The following HEPACAM variants were observed in gnomAD, a reference collection of about 807,000 sequenced individuals.
HEPACAM encodes the protein hepatocyte cell adhesion molecule.
In HEPACAM, 18 loss-of-function variants were observed where a neutral mutation model predicts 38.3. The observed-to-expected ratio is 0.47, with a 90% CI of 0.33 to 0.70. The LOEUF is 0.70. Ranked by LOEUF, HEPACAM falls within the 30% of genes least tolerant of loss-of-function variation. The probability of loss-of-function intolerance (pLI) is 0.03; values close to 1 mark genes in which losing one functional copy is unlikely to be tolerated. For missense variants in HEPACAM, 466 were observed against 563.0 expected (o/e 0.83, Z 1.74); for synonymous variants, 216 against 243.1 (o/e 0.89, Z 1.04).
chr11:124,924,651 T>C lies in HEPACAM; in HGVS notation c.427+77A>G. 1 of 1,368,196 alleles carries C rather than the reference T, an allele frequency of 7.3e-7. No individual in the cohort carries two copies. Among genetic ancestry groups the C allele is most frequent in the East Asian group, 2.3e-5 (1 of 43,722 alleles). The allele number at this position is 1,368,196 out of a possible 1,614,324, so 84.8% of individuals were successfully genotyped here. On this transcript the variant is annotated intron_variant, in intron 2 of 6. Coordinates refer to ENST00000298251, the MANE Select transcript of HEPACAM (RefSeq NM_152722.5). The surrounding 1 kb of genome is among the most constrained non-coding windows in gnomAD (Gnocchi z 4.4). ...GCCTTTTGGGTTGGTTTTCCCTCAG[T>C]CTAGCTGGTGCGCTGGGCAGACCTT...
At chr11:124,934,494 A>G (rs1565342844) in intron 1 of HEPACAM, among the ~76,000 whole-genome samples, 1 of 150,842 alleles carries the variant, frequency 6.6e-6, no homozygotes, top group Non-Finnish European at 1.5e-5. Flanking sequence ...CCTTATAAAA[A>G]GGGGAAATGT....
chr11:124,928,633 C>G (rs750919926), intron 1 of HEPACAM, among the ~76,000 whole-genome samples: 1 of 152,176 alleles, frequency 6.6e-6, no homozygotes, highest in Non-Finnish European at 1.5e-5. Flanking sequence ...AAAGTCACCC[C>G]TCTGCTCACT....
In HEPACAM at chr11:124,920,763, A is replaced by G; in HGVS notation, c.*375T>C. On this transcript the variant is annotated 3_prime_UTR_variant, in exon 7 of 7. Coordinates refer to ENST00000298251, the MANE Select transcript of HEPACAM (RefSeq NM_152722.5). The stretch of plus-strand genomic sequence containing the variant: ...AGGGAAGGGTGGTGGGTGGGAAACA[A>G]CACAGCTCCCTAGGAAGAGCACAGG... 7 of 1,078,264 alleles carry G rather than the reference A, an allele frequency of 6.5e-6. No homozygotes were observed. Among genetic ancestry groups the G allele is most frequent in the South Asian group, 3.7e-5 (1 of 26,670 alleles). 66.8% of individuals were successfully genotyped at this position (1,078,264 alleles called of 1,614,324 possible). A position where few individuals can be genotyped will look rare whatever the true frequency, so the allele number is the denominator to read the frequency against.
In HEPACAM at chr11:124,919,400, C is replaced by A; in HGVS notation, c.*1738G>T. 3.8e-6 allele frequency: 1 copy of A among 266,080 alleles called. No individual in the cohort carries two copies. The highest frequency in any genetic ancestry group is 7.1e-6 in the Non-Finnish European group (1 of 141,218). 16.5% of individuals were successfully genotyped at this position (266,080 alleles called of 1,614,324 possible). ...CAATTTAAGGCAGATTTGGCTTAAG[C>A]CTGGCAAGCTGGCCCCTCAGGGATT... On this transcript the variant is annotated 3_prime_UTR_variant, in exon 7 of 7. Coordinates refer to ENST00000298251, the MANE Select transcript of HEPACAM (RefSeq NM_152722.5).
chr11:124,929,246 T>C (rs977714252), intron 1 of HEPACAM, among the ~76,000 whole-genome samples: 30 of 152,338 alleles, frequency 2.0e-4, no homozygotes, highest in African/African-American at 5.8e-4. Flanking sequence ...AGTTATGGCC[T>C]ACAGATTGCC....
Position 124,920,901 on chromosome 11 carries a change from A to G in HEPACAM, c.*237T>C, listed in dbSNP as rs1947122651. The G allele has an allele frequency of 7.4e-7, 1 of 1,351,190 alleles. No homozygotes were observed. The highest frequency in any genetic ancestry group is 1.5e-5 in the African/African-American group (1 of 64,818). The allele number at this position is 1,351,190 out of a possible 1,614,324, so 83.7% of individuals were successfully genotyped here. A position where few individuals can be genotyped will look rare whatever the true frequency, so the allele number is the denominator to read the frequency against. On this transcript the variant is annotated 3_prime_UTR_variant, in exon 7 of 7. Coordinates refer to ENST00000298251, the MANE Select transcript of HEPACAM (RefSeq NM_152722.5). ...AAGAGGGCACAACCTATACCAAGTG[A>G]GGACACAGCCAGTAAACCGGAAGCA...
chr11:124,921,534 AC>A lies in HEPACAM; in HGVS notation c.949-95del, dbSNP rs1323058934. 1 of 826,446 alleles carries A rather than the reference AC, an allele frequency of 1.2e-6. No homozygotes were observed. The highest frequency in any genetic ancestry group is 1.6e-6 in the Non-Finnish European group (1 of 618,994). 51.2% of individuals were successfully genotyped at this position (826,446 alleles called of 1,614,324 possible). ...GCTTGCTGGAATTCCGAGGGGAGGG[AC>A]CTAGTTTCCCTCTGCACGCCCACCT... On this transcript the variant is annotated intron_variant, in intron 6 of 6. Coordinates refer to ENST00000298251, the MANE Select transcript of HEPACAM (RefSeq NM_152722.5). This position sits in a 1 kb window ranked among gnomAD's most constrained non-coding sequence, Gnocchi z 4.6.
chr11:124,921,007 C>T lies in HEPACAM; in HGVS notation c.*131G>A, dbSNP rs907895057. ...CTGCGCATGCTCATACACGTTCACA[C>T]CCGAGACACCAGCGCCCCCCCGGGA... is the stretch of plus-strand genomic sequence containing the variant. On this transcript the variant is annotated 3_prime_UTR_variant, in exon 7 of 7. Coordinates refer to ENST00000298251, the MANE Select transcript of HEPACAM (RefSeq NM_152722.5). The surrounding 1 kb of genome is among the most constrained non-coding windows in gnomAD (Gnocchi z 4.6). 6.4e-6 allele frequency: 9 copies of T among 1,403,426 alleles called. No homozygotes were observed. The African/African-American group carries it at 1.1e-4, about 17-fold the overall frequency. The allele number at this position is 1,403,426 out of a possible 1,614,324, so 86.9% of individuals were successfully genotyped here. A position where few individuals can be genotyped will look rare whatever the true frequency, so the allele number is the denominator to read the frequency against.
Position 124,919,684 on chromosome 11 carries a change from A to G in HEPACAM, c.*1454T>C. 1 of 1,564,798 alleles carries G rather than the reference A, an allele frequency of 6.4e-7. No homozygotes were observed. The highest frequency in any genetic ancestry group is 8.7e-7 in the Non-Finnish European group (1 of 1,150,726). ...ACAGGCATGCTGTGGGGTTCAGGGC[A>G]GAGGGGGCAAACTAGAAATGTCAGT... On this transcript the variant is annotated 3_prime_UTR_variant, in exon 7 of 7. Coordinates refer to ENST00000298251, the MANE Select transcript of HEPACAM (RefSeq NM_152722.5).
rs1471615369 is a variant in HEPACAM at position 124,935,944 on chromosome 11, G to C, written c.63C>G (p.Val21=). ...TACCTGTCTGGATCAGAAGAAGGTA[G>C]ACAAAAGGAGCAAGGCGCAGGGCCC... ...ASRALRLAPF[V]YLLLIQTDPL... The change falls in exon 1 of 7, where the codon GTC becomes GTG. Residue 21 remains valine (V), a synonymous_variant. Transcript: ENST00000298251. 2 of 1,614,034 alleles carry C rather than the reference G, an allele frequency of 1.2e-6. No individual in the cohort carries two copies.
chr11:124,921,551 A>T lies in HEPACAM; in HGVS notation c.949-111T>A, dbSNP rs1947139470. 1 of 623,678 alleles carries T rather than the reference A, an allele frequency of 1.6e-6. No individual in the cohort carries two copies. The highest frequency in any genetic ancestry group is 4.4e-5 in the Admixed American group (1 of 22,786). The allele number at this position is 623,678 out of a possible 1,614,324, so 38.6% of individuals were successfully genotyped here. A position where few individuals can be genotyped will look rare whatever the true frequency, so the allele number is the denominator to read the frequency against. On this transcript the variant is annotated intron_variant, in intron 6 of 6. Coordinates refer to ENST00000298251, the MANE Select transcript of HEPACAM (RefSeq NM_152722.5). The surrounding 1 kb of genome is among the most constrained non-coding windows in gnomAD (Gnocchi z 4.6). ...GGGGAGGGACCTAGTTTCCCTCTGC[A>T]CGCCCACCTCCTGGAAGGCTGCAGA...
At chr11:124,922,855 T>C (rs770863907) in intron 4 of HEPACAM, 37 bp from the exon 5 acceptor site, 7 of 1,607,986 alleles carry the variant, frequency 4.4e-6, no homozygotes, top group Non-Finnish European at 6.0e-6. Context: ...AGCCGAATTA[T>C]TGAATGTGAG....
At chr11:124,930,836 A>C (rs1439263720) in intron 1 of HEPACAM, among the ~76,000 whole-genome samples, 2 of 152,236 alleles carry the variant, frequency 1.3e-5, no homozygotes, top group Admixed American at 1.3e-4. Flanking sequence ...ACCTTACACA[A>C]ATATTAATTT....
intron 1 of HEPACAM, among the ~76,000 whole-genome samples, chr11:124,935,224 C>G (rs79066805): frequency 8.3e-4 from 127 of 152,246 alleles, no homozygotes; most frequent in Non-Finnish European, 1.4e-3. Context: ...GCATAATTGA[C>G]TTATGATAGT....
intron 1 of HEPACAM, 138 bp from the exon 2 acceptor site, chr11:124,925,207 C>A (rs1399910087): frequency 3.0e-6 from 2 of 657,314 alleles, no homozygotes; most frequent in Admixed American, 5.9e-5. Flanking sequence ...GCTTCTTAAG[C>A]CTGGGTGCTA....
At chr11:124,926,468 T>C (rs931331409) in intron 1 of HEPACAM, among the ~76,000 whole-genome samples, 14 of 152,282 alleles carry the variant, frequency 9.2e-5, no homozygotes, top group South Asian at 4.1e-4. Flanking sequence ...ACTTGTCCAA[T>C]GGATGCCCTA....
Position 124,924,810 on chromosome 11 carries a change from G to A in HEPACAM, c.345C>T (p.Ala115=), listed in dbSNP as rs531436968. The A allele has an allele frequency of 1.6e-5, 26 of 1,613,950 alleles. No homozygotes were observed. Among genetic ancestry groups the A allele is most frequent in the South Asian group, 3.3e-5 (3 of 91,078 alleles). Residue 115 remains alanine (A), a synonymous_variant, in exon 2 of 7, where the codon GCC becomes GCT. Coordinates refer to ENST00000298251, the MANE Select transcript of HEPACAM (RefSeq NM_152722.5). This position sits in a 1 kb window ranked among gnomAD's most constrained non-coding sequence, Gnocchi z 4.4. ...TCTCGACCTCATAGGTGCCCTCATC[G>A]GCCAGCTGCAGGTCGCTGAGAAGCA... ...GSLLLSDLQL[A]DEGTYEVEIS...
At chr11:124,925,355 C>T (rs1274369264) in intron 1 of HEPACAM, among the ~76,000 whole-genome samples, 1 of 152,222 alleles carries the variant, frequency 6.6e-6, no homozygotes, top group Non-Finnish European at 1.5e-5. Flanking sequence ...TGTGGCTCAC[C>T]CACACCCTAT....
In HEPACAM at chr11:124,924,035, T is replaced by C. The variant is rs1947175467; in HGVS notation, c.428-25A>G. The C allele has an allele frequency of 6.3e-7, 1 of 1,591,684 alleles. No homozygotes were observed. The highest frequency in any genetic ancestry group is 8.5e-7 in the Non-Finnish European group (1 of 1,172,978). On this transcript the variant is annotated intron_variant, in intron 2 of 6. Transcript: ENST00000298251. This position sits in a 1 kb window ranked among gnomAD's most constrained non-coding sequence, Gnocchi z 4.4. ...ACTGAGCCGCAGGAATGGGGGAGCC[T>C]GTAAGTCATTGGCTAAGAAGTGTCT...
Sources: gnomAD v4.1 joint callset for allele counts (sites outside exome capture counted in the v4.1 genomes callset) on GRCh38, gnomAD v4.1.1 for gene constraint, Gnocchi (gnomAD v3.1) non-coding constraint, MANE v1.5 for transcripts, NCBI Gene and HGNC (gene_info 2026-07-23, HGNC 2026-07-21) for gene names.